Variants in MIPOL1 observed in about 807,000 individuals in gnomAD.
The protein encoded by MIPOL1 is mirror-image polydactyly gene 1 protein.
Under a neutral mutation model 60.9 loss-of-function variants are expected in MIPOL1, and 57 were observed. That is an observed-to-expected ratio of 0.94 (90% CI 0.76 to 1.17). The LOEUF is 1.17. Ranked by LOEUF, MIPOL1 falls within the 50% of genes most tolerant of loss-of-function variation. MIPOL1 has a pLI of 0.00. For missense variants in MIPOL1, 551 were observed against 511.6 expected (o/e 1.08, Z -0.74); for synonymous variants, 179 against 168.8 (o/e 1.06, Z -0.47).
chr14:37,330,090 A>G (rs2089537245), intron 9 of MIPOL1, among the ~76,000 whole-genome samples: 1 of 152,158 alleles, frequency 6.6e-6, no homozygotes, highest in Non-Finnish European at 1.5e-5. Context: ...AAAAAGGAAT[A>G]AGCCAAATCA....
At chr14:37,240,610 T>G (rs1349422663) in intron 1 of MIPOL1, 1 of 152,184 alleles carries the variant, frequency 6.6e-6, no homozygotes, top group African/African-American at 2.4e-5. Context: ...TGTGCTAGAT[T>G]AAGTGATTTA....
intron 11 of MIPOL1, among the ~76,000 whole-genome samples, chr14:37,498,300 T>G (rs548552078): frequency 6.6e-6 from 1 of 152,198 alleles, no homozygotes; most frequent in African/African-American, 2.4e-5. Flanking sequence ...ATATGCACTT[T>G]GTGTAATTTA....
At chr14:37,299,014 C>T (rs376917551) in intron 7 of MIPOL1, among the ~76,000 whole-genome samples, 203 of 151,858 alleles carry the variant, frequency 1.3e-3, no homozygotes, top group African/African-American at 4.8e-3. Context: ...TTTATTGTGG[C>T]ACTATTCACA....
chr14:37,267,840 C>T (rs146973486), intron 4 of MIPOL1, among the ~76,000 whole-genome samples: 18 of 152,274 alleles, frequency 1.2e-4, no homozygotes, highest in African/African-American at 4.3e-4. Context: ...TAAGCCCAAA[C>T]ATGCATTTTG....
intron 3 of MIPOL1, among the ~76,000 whole-genome samples, chr14:37,265,854 T>G (rs2082837266): frequency 6.6e-6 from 1 of 152,146 alleles, no homozygotes; most frequent in Non-Finnish European, 1.5e-5. Context: ...TAGTCTGATT[T>G]GCAGAGCAGG....
At chr14:37,424,898 C>T (rs1326874472) in intron 11 of MIPOL1, among the ~76,000 whole-genome samples, 1 of 152,198 alleles carries the variant, frequency 6.6e-6, no homozygotes, top group African/African-American at 2.4e-5. Context: ...TAGCCCACCC[C>T]ATGCTGATTA....
Position 37,404,096 on chromosome 14 carries a change from A to G in MIPOL1, c.937-18759A>G, listed in dbSNP as rs563198335. On this transcript the variant is annotated intron_variant, in intron 10 of 12. Coordinates refer to ENST00000684589, the MANE Select transcript of MIPOL1 (RefSeq NM_001388067.1). ...ATGTAATTAATGGTATTTTATCAGT[A>G]TGGTCCAACATGGTATTTCTTTTTT... Among the ~76,000 whole-genome samples, 12 of 152,338 alleles carry G rather than the reference A, an allele frequency of 7.9e-5. No homozygotes were observed. In the East Asian group the frequency reaches 2.1e-3, roughly 27 times the overall value.
At position 37,335,205 on chromosome 14, in the gene MIPOL1, G is replaced by T. The variant is rs1160218121; in HGVS notation, c.828+26686G>T. Among the ~76,000 whole-genome samples, 3 of 151,958 alleles carry T rather than the reference G, an allele frequency of 2.0e-5. No individual in the cohort carries two copies. In the East Asian group the frequency reaches 5.8e-4, roughly 29 times the overall value. On this transcript the variant is annotated intron_variant, in intron 9 of 12. Transcript: ENST00000684589. ...TCTTTTTATTATAACCATCCCGGTG[G>T]ATGTGAGGTAGTATCTTGTGGTTTT...
chr14:37,342,600 G>A (rs2090652296), intron 9 of MIPOL1, among the ~76,000 whole-genome samples: 1 of 151,968 alleles, frequency 6.6e-6, no homozygotes, highest in African/African-American at 2.4e-5. Flanking sequence ...GTTTCACCAT[G>A]TTGGTCAGGC....
chr14:37,280,996 A>G (rs1313359102), intron 6 of MIPOL1, among the ~76,000 whole-genome samples: 2 of 152,176 alleles, frequency 1.3e-5, no homozygotes, highest in Admixed American at 6.5e-5. Context: ...TTAACTGTGC[A>G]GACGCTTTTT....
chr14:37,431,312 T>C (rs911099987), intron 11 of MIPOL1, among the ~76,000 whole-genome samples: 1 of 152,046 alleles, frequency 6.6e-6, no homozygotes, highest in Non-Finnish European at 1.5e-5. Flanking sequence ...TTTGCTAGAT[T>C]TTTCCTTGCA....
At chr14:37,275,249 G>C (rs772493837) in intron 6 of MIPOL1, among the ~76,000 whole-genome samples, 36 of 150,994 alleles carry the variant, frequency 2.4e-4, no homozygotes, top group Non-Finnish European at 4.2e-4. Flanking sequence ...ACTTTTTACT[G>C]AGTTTTAGCT....
intron 12 of MIPOL1, among the ~76,000 whole-genome samples, chr14:37,532,678 T>G (rs2095486798): frequency 6.6e-6 from 1 of 152,134 alleles, no homozygotes; most frequent in Middle Eastern, 3.2e-3. Context: ...TATTTTTCCT[T>G]AGATTAGTTT....
chr14:37,448,599 T>G (rs912652124), intron 11 of MIPOL1, among the ~76,000 whole-genome samples: 1 of 152,234 alleles, frequency 6.6e-6, no homozygotes, highest in Non-Finnish European at 1.5e-5. Context: ...TTTCAAAGAC[T>G]TAACAGTTCA....
intron 11 of MIPOL1, among the ~76,000 whole-genome samples, chr14:37,491,779 A>G (rs1201194908): frequency 6.6e-6 from 1 of 152,170 alleles, no homozygotes; most frequent in African/African-American, 2.4e-5. Context: ...TTTTTCTCTG[A>G]AAGTACTTTA....
At chr14:37,522,490 C>T (rs2095420693) in intron 12 of MIPOL1, among the ~76,000 whole-genome samples, 1 of 152,138 alleles carries the variant, frequency 6.6e-6, no homozygotes, top group African/African-American at 2.4e-5. Context: ...TGCCAACCTT[C>T]TGATTTTGCT....
intron 11 of MIPOL1, among the ~76,000 whole-genome samples, chr14:37,498,515 T>C (rs1439362105): frequency 2.0e-5 from 3 of 151,736 alleles, no homozygotes; most frequent in African/African-American, 7.3e-5. Context: ...ACAGAAAAAA[T>C]AGTAAAATGG....
chr14:37,371,787 T>C (rs2092646480), intron 10 of MIPOL1, among the ~76,000 whole-genome samples: 1 of 152,172 alleles, frequency 6.6e-6, no homozygotes, highest in South Asian at 2.1e-4. Flanking sequence ...TTTTAAAAAT[T>C]ACTCTTACCT....
intron 11 of MIPOL1, among the ~76,000 whole-genome samples, chr14:37,449,061 G>A (rs2094380762): frequency 6.6e-6 from 1 of 152,134 alleles, no homozygotes; most frequent in Non-Finnish European, 1.5e-5. Flanking sequence ...CAACAAAGAA[G>A]GGAATGGCAG....
Sources: allele counts gnomAD v4.1 joint callset (sites outside exome capture counted in the v4.1 genomes callset), GRCh38; gene constraint gnomAD v4.1.1; transcripts MANE v1.5; gene names NCBI Gene and HGNC (gene_info 2026-07-23, HGNC 2026-07-21).